Variants in UBE2L3 observed in about 807,000 individuals in gnomAD.
UBE2L3 encodes ubiquitin conjugating enzyme E2 L3.
In UBE2L3, 1 loss-of-function variant was observed where a neutral mutation model predicts 17.8. The ratio of observed to expected loss-of-function variants is 0.06; its 90% confidence interval spans 0.02 to 0.27. The LOEUF (loss-of-function observed/expected upper bound fraction) is 0.27, where lower values mean the gene tolerates loss of function less well. UBE2L3 is among the 10% of genes least tolerant of loss of function. The pLI, the probability that UBE2L3 is intolerant of heterozygous loss-of-function variation, is 1.00. For missense variants in UBE2L3, 40 were observed against 192.6 expected, an observed-to-expected ratio of 0.21 and a Z score of 4.69; for synonymous variants, 44 against 68.5, an observed-to-expected ratio of 0.64 and a Z score of 1.76.
At chr22:21,579,162 T>C (rs1165288897) in intron 1 of UBE2L3, among the ~76,000 whole-genome samples, 1 of 151,952 alleles carries the variant, frequency 6.6e-6, no homozygotes, top group East Asian at 1.9e-4. Context: ...GGCTAATTTT[T>C]GTATTTTTAG....
At chr22:21,589,766 G>C (rs1928158220) in intron 1 of UBE2L3, among the ~76,000 whole-genome samples, 1 of 152,166 alleles carries the variant, frequency 6.6e-6, no homozygotes, top group Admixed American at 6.6e-5. Flanking sequence ...CTTATAATCA[G>C]TTCTTCCTTG....
intron 1 of UBE2L3, among the ~76,000 whole-genome samples, chr22:21,579,091 C>T (rs1482717266): frequency 5.3e-5 from 8 of 151,782 alleles, no homozygotes; most frequent in Admixed American, 4.6e-4. Context: ...ACCAGGTTCA[C>T]GCAATTCTCC....
At chr22:21,563,554 C>G (rs1601386260), upstream of UBE2L3, among the ~76,000 whole-genome samples, 1 of 144,796 alleles carries the variant, frequency 6.9e-6, no homozygotes, top group East Asian at 2.1e-4. Flanking sequence ...GAGCGAGACT[C>G]CGTCTCAAAA....
At chr22:21,615,016 G>A (rs570834862) in intron 3 of UBE2L3, among the ~76,000 whole-genome samples, 1 of 152,122 alleles carries the variant, frequency 6.6e-6, no homozygotes, top group East Asian at 1.9e-4. Context: ...TTAGCTGGGT[G>A]TGGTGGCGGG....
intron 2 of UBE2L3, among the ~76,000 whole-genome samples, chr22:21,598,210 T>TGTGTGTGTGTGTGTGTGTGTGTGTG (rs1555885647): frequency 1.3e-4 from 20 of 151,870 alleles, no homozygotes; most frequent in East Asian, 1.9e-4. Flanking sequence ...TGTGTGTGTG[T>TGTGTGTGTGTGTGTGTGTGTGTGTG]TTTTCATTTA....
At chr22:21,604,755 T>C (rs1929058366) in intron 2 of UBE2L3, among the ~76,000 whole-genome samples, 1 of 152,124 alleles carries the variant, frequency 6.6e-6, no homozygotes, top group African/African-American at 2.4e-5. Flanking sequence ...GCATGCCTCT[T>C]TCACCAAAAA....
intron 1 of UBE2L3, among the ~76,000 whole-genome samples, chr22:21,591,126 T>G (rs768118292): frequency 2.6e-5 from 4 of 152,138 alleles, no homozygotes; most frequent in Non-Finnish European, 5.9e-5. Context: ...GTCCCTCAGG[T>G]TCCGTACCTC....
upstream of UBE2L3, among the ~76,000 whole-genome samples, chr22:21,563,408 A>T (rs1393290177): frequency 1.4e-5 from 2 of 146,492 alleles, no homozygotes. Context: ...AAAAAAAAAA[A>T]AAAATTAGCC....
chr22:21,570,917 G>A (rs1926929926), intron 1 of UBE2L3, among the ~76,000 whole-genome samples: 1 of 152,070 alleles, frequency 6.6e-6, no homozygotes, highest in Non-Finnish European at 1.5e-5. Context: ...TGTTTTCTAG[G>A]ACATTCCACA....
chr22:21,578,711 A>G (rs1174319014), intron 1 of UBE2L3, among the ~76,000 whole-genome samples: 2 of 152,130 alleles, frequency 1.3e-5, no homozygotes, highest in Non-Finnish European at 2.9e-5. Flanking sequence ...CCCCATGCTT[A>G]CTGTGGAGGT....
At chr22:21,556,821 C>T (rs113753727) in intron 1 of UBE2L3, among the ~76,000 whole-genome samples, 78 of 152,320 alleles carry the variant, frequency 5.1e-4, no homozygotes, top group African/African-American at 1.6e-3. Context: ...GTAAGGAGGC[C>T]GAGGTGGGCA....
intron 2 of UBE2L3, among the ~76,000 whole-genome samples, chr22:21,604,857 A>G (rs375056605): frequency 2.0e-4 from 31 of 152,232 alleles, no homozygotes; most frequent in Middle Eastern, 3.2e-3. Flanking sequence ...AAAGAGGCCC[A>G]GAGAAGTTCA....
chr22:21,588,463 C>CTTTTTTTT (rs1255043408), intron 1 of UBE2L3, among the ~76,000 whole-genome samples: 68 of 103,306 alleles, frequency 6.6e-4, no homozygotes, highest in African/African-American at 9.8e-4. Flanking sequence ...TTTCTTCTTT[C>CTTTTTTTT]TTTTTTTTTT....
At chr22:21,575,631 C>CTTTTTTTTTTTTTTTTTTTTTT (rs533923826) in intron 1 of UBE2L3, among the ~76,000 whole-genome samples, 1 of 73,394 alleles carries the variant, frequency 1.4e-5, no homozygotes, top group Admixed American at 1.9e-4. Flanking sequence ...AGTTGAATAG[C>CTTTTTTTTTTTTTTTTTTTTTT]TTTTTTTTTT....
At chr22:21,617,355 CT>C (rs1395171457) in intron 3 of UBE2L3, among the ~76,000 whole-genome samples, 1 of 151,984 alleles carries the variant, frequency 6.6e-6, no homozygotes, top group Non-Finnish European at 1.5e-5. Context: ...CAACCTCCGC[CT>C]CCTGGATTCA....
intron 1 of UBE2L3, among the ~76,000 whole-genome samples, chr22:21,555,787 C>G (rs1424086262): frequency 6.6e-6 from 1 of 150,386 alleles, no homozygotes; most frequent in African/African-American, 2.5e-5. Flanking sequence ...CAAAAATTAG[C>G]CAGGCATGGT....
At chr22:21,575,631 CTTTTTTTTTTTTTTT>C (rs533923826) in intron 1 of UBE2L3, among the ~76,000 whole-genome samples, 3 of 73,432 alleles carry the variant, frequency 4.1e-5, no homozygotes, top group East Asian at 5.3e-4. Context: ...AGTTGAATAG[CTTTTTTTTTTTTTTT>C]TTTTTTTTTT....
intron 2 of UBE2L3, among the ~76,000 whole-genome samples, chr22:21,603,713 G>A (rs557311282): frequency 1.3e-3 from 197 of 150,448 alleles, no homozygotes; most frequent in African/African-American, 4.7e-3. Context: ...TGTGGTGGTG[G>A]GTGCCTGTAG....
intron 1 of UBE2L3, among the ~76,000 whole-genome samples, chr22:21,552,575 CCT>C (rs1926108880): frequency 1.9e-5 from 1 of 53,292 alleles, no homozygotes; most frequent in Non-Finnish European, 3.7e-5. Flanking sequence ...GCACCTGGGA[CCT>C]CTCACAACTG....
Sources: allele counts gnomAD v4.1 joint callset (sites outside exome capture counted in the v4.1 genomes callset), GRCh38; gene constraint gnomAD v4.1.1; transcripts MANE v1.5; gene names NCBI Gene and HGNC (gene_info 2026-07-23, HGNC 2026-07-21).